HMGA1: variants seen among roughly 807,000 people sequenced by gnomAD.
The protein encoded by HMGA1 is high mobility group protein HMG-I/HMG-Y.
A neutral mutation model predicts 15.1 loss-of-function variants in HMGA1; 1 was observed. That is an observed-to-expected ratio of 0.07 (90% CI 0.02 to 0.31). The LOEUF (loss-of-function observed/expected upper bound fraction) is 0.31. Among genes scored for constraint, HMGA1 ranks in the 10% least tolerant of loss-of-function variants. The pLI is 1.00. For missense variants in HMGA1, 94 were observed against 141.4 expected, an observed-to-expected ratio of 0.66 and a Z score of 1.70; for synonymous variants, 56 against 54.8, an observed-to-expected ratio of 1.02 and a Z score of -0.10.
chr6:34,244,740 C>CAGGG, intron 5 of HMGA1, 91 bp from the exon 6 acceptor site: 2 of 1,036,230 alleles, frequency 1.9e-6, no homozygotes, highest in African/African-American at 1.6e-5. Context: ...TCAGGAGAGC[C>CAGGG]AGGGAGTGCA....
intron 2 of HMGA1, among the ~76,000 whole-genome samples, chr6:34,237,562 G>T (rs1761883078): frequency 1.4e-5 from 2 of 145,758 alleles, no homozygotes; most frequent in African/African-American, 2.5e-5. Flanking sequence ...CCTGCGGGGG[G>T]CGGGGACCCG....
rs1250996387 is a variant in HMGA1 at position 34,237,272 on chromosome 6, C to T, written c.-90C>T. 6.7e-6 allele frequency: 1 copy of T among 148,432 alleles called. No individual in the cohort carries two copies. Among genetic ancestry groups the T allele is most frequent in the Non-Finnish European group, 1.5e-5 (1 of 66,966 alleles). The allele number at this position is 148,432 out of a possible 1,614,324, so 9.2% of individuals were successfully genotyped here. ...GTCCTCAGCGCCCAGCACCGCCGCT[C>T]CCGGCAACCCGGAGCGCGCACCGCA... is the stretch of plus-strand genomic sequence containing the variant. On this transcript the variant is annotated 5_prime_UTR_variant, in exon 2 of 6. Coordinates refer to ENST00000311487, the MANE Select transcript of HMGA1 (RefSeq NM_145899.3).
At chr6:34,239,645 G>T (rs1203006592) in intron 2 of HMGA1, among the ~76,000 whole-genome samples, 1 of 152,146 alleles carries the variant, frequency 6.6e-6, no homozygotes, top group African/African-American at 2.4e-5. Flanking sequence ...AAAATGTGTA[G>T]CCTAGGCCTC....
intron 2 of HMGA1, among the ~76,000 whole-genome samples, chr6:34,238,574 GCA>G (rs1195204225): frequency 1.3e-5 from 2 of 152,214 alleles, no homozygotes; most frequent in African/African-American, 4.8e-5. Flanking sequence ...TATTTGAGGA[GCA>G]CAGTTTGCAT....
At chr6:34,241,014 G>A in intron 3 of HMGA1, 99 bp downstream of exon 3, 1 of 1,379,222 alleles carries the variant, frequency 7.3e-7, no homozygotes, top group Non-Finnish European at 1.0e-6. Context: ...GGAGGGTGCA[G>A]AATGATTCTG....
At chr6:34,242,679 G>C in intron 3 of HMGA1, 33 bp from the exon 4 acceptor site, 1 of 1,456,060 alleles carries the variant, frequency 6.9e-7, no homozygotes, top group Non-Finnish European at 9.4e-7. Flanking sequence ...AACAGGTGAT[G>C]ACTGTCCCTG....
intron 2 of HMGA1, among the ~76,000 whole-genome samples, chr6:34,240,309 G>A (rs147358416): frequency 5.9e-4 from 90 of 152,282 alleles, no homozygotes; most frequent in East Asian, 4.1e-3. Flanking sequence ...ACTGAACTGC[G>A]TAGGCTGGAT....
chr6:34,245,034 C>G lies in HMGA1; in HGVS notation c.*150C>G. The G allele has an allele frequency of 1.3e-6, 2 of 1,540,764 alleles. No individual in the cohort carries two copies. Among genetic ancestry groups the G allele is most frequent in the Non-Finnish European group, 1.8e-6 (2 of 1,142,726 alleles). On this transcript the variant is annotated 3_prime_UTR_variant, in exon 6 of 6. Coordinates refer to ENST00000311487, the MANE Select transcript of HMGA1 (RefSeq NM_145899.3). ...CCCCCATCTTCCACCTGTGCCCTCACCACCACACTACACAGCACACCAGCC... is the reference window on the plus strand; with the variant it reads ...CCCCCATCTTCCACCTGTGCCCTCAGCACCACACTACACAGCACACCAGCC...
At chr6:34,240,607 G>C (rs1762223211) in intron 2 of HMGA1, 130 bp from the exon 3 acceptor site, 5 of 754,484 alleles carry the variant, frequency 6.6e-6, no homozygotes, top group Non-Finnish European at 9.0e-6. Context: ...CTCCATCCTG[G>C]GCAGAGTAGG....
chr6:34,246,086 G>A lies in HMGA1; in HGVS notation c.*1202G>A, dbSNP rs1762724367. On this transcript the variant is annotated 3_prime_UTR_variant, in exon 6 of 6. Transcript: ENST00000311487. ...GATGCTGCAGCAGAGTGAGCAAGGG[G>A]GCCCAAATCGACCATAAAGGGTGTA... 8.1e-6 allele frequency: 2 copies of A among 247,974 alleles called. No homozygotes were observed. Among genetic ancestry groups the A allele is most frequent in the Admixed American group, 5.2e-5 (1 of 19,336 alleles). 15.4% of individuals were successfully genotyped at this position (247,974 alleles called of 1,614,324 possible). A position where few individuals can be genotyped will look rare whatever the true frequency, so the allele number is the denominator to read the frequency against.
chr6:34,240,465 C>T (rs1194218200), intron 2 of HMGA1, among the ~76,000 whole-genome samples: 2 of 152,104 alleles, frequency 1.3e-5, no homozygotes, highest in African/African-American at 4.8e-5. Context: ...TGGGACCCCC[C>T]CCACCACGCT....
rs751465310 is a variant in HMGA1, at chr6:34,245,028, C to T, written c.*144C>T. 1.3e-6 allele frequency: 2 copies of T among 1,536,790 alleles called. No homozygotes were observed. Among genetic ancestry groups the T allele is most frequent in the South Asian group, 1.2e-5 (1 of 83,068 alleles). ...CCGCCACCCCCATCTTCCACCTGTGCCCTCACCACCACACTACACAGCACA... is the reference window on the plus strand; with the variant it reads ...CCGCCACCCCCATCTTCCACCTGTGTCCTCACCACCACACTACACAGCACA... On this transcript the variant is annotated 3_prime_UTR_variant, in exon 6 of 6. Transcript: ENST00000311487.
At chr6:34,240,020 T>C (rs1293540866) in intron 2 of HMGA1, among the ~76,000 whole-genome samples, 1 of 151,884 alleles carries the variant, frequency 6.6e-6, no homozygotes, top group Admixed American at 6.6e-5. Context: ...AAGAGGAGGG[T>C]GGCCTTTGGC....
chr6:34,244,626 C>T (rs1762575457), intron 5 of HMGA1, among the ~76,000 whole-genome samples: 1 of 152,180 alleles, frequency 6.6e-6, no homozygotes, highest in African/African-American at 2.4e-5. Flanking sequence ...GTGAGAGCAG[C>T]ATGTGTGTGG....
chr6:34,242,122 C>T (rs1278130193), intron 3 of HMGA1, among the ~76,000 whole-genome samples: 1 of 152,184 alleles, frequency 6.6e-6, no homozygotes, highest in African/African-American at 2.4e-5. Context: ...CTATCTACGG[C>T]TTATTAAAAT....
intron 2 of HMGA1, among the ~76,000 whole-genome samples, chr6:34,239,564 A>T (rs1762126796): frequency 6.6e-6 from 1 of 152,176 alleles, no homozygotes; most frequent in Admixed American, 6.5e-5. Context: ...GATCTTACAG[A>T]TTGAGAGGGG....
chr6:34,244,962 C>T lies in HMGA1; in HGVS notation c.*78C>T, dbSNP rs1418971707. ...GACAGCTTTGCTCCGCTCCCACCGC[C>T]CCCACCCCTTCCCCAGGCCCACCAT... On this transcript the variant is annotated 3_prime_UTR_variant, in exon 6 of 6. Coordinates refer to ENST00000311487, the MANE Select transcript of HMGA1 (RefSeq NM_145899.3). 1.3e-6 allele frequency: 2 copies of T among 1,542,490 alleles called. No homozygotes were observed. Among genetic ancestry groups the T allele is most frequent in the African/African-American group, 1.4e-5 (1 of 72,860 alleles).
At chr6:34,239,506 C>T (rs1762122676) in intron 2 of HMGA1, among the ~76,000 whole-genome samples, 1 of 152,130 alleles carries the variant, frequency 6.6e-6, no homozygotes, top group Non-Finnish European at 1.5e-5. Context: ...TAGTTTGATC[C>T]TTGAAGCAGT....
At chr6:34,244,135 C>G (rs933161774) in intron 5 of HMGA1, among the ~76,000 whole-genome samples, 2 of 151,454 alleles carry the variant, frequency 1.3e-5, no homozygotes, top group Non-Finnish European at 2.9e-5. Context: ...CCCTCAAATC[C>G]CTGAAGCTGT....
Sources: gnomAD v4.1 joint callset for allele counts (sites outside exome capture counted in the v4.1 genomes callset) on GRCh38, gnomAD v4.1.1 for gene constraint, MANE v1.5 for transcripts, NCBI Gene and HGNC (gene_info 2026-07-23, HGNC 2026-07-21) for gene names.